The following ZFP14 variants were observed in gnomAD, a reference collection of about 807,000 sequenced individuals.
ZFP14 encodes ZFP14 zinc finger protein.
In ZFP14, 22 loss-of-function variants were observed where a neutral mutation model predicts 54.5. That is an observed-to-expected ratio of 0.40 (90% CI 0.29 to 0.58). The LOEUF is 0.58. ZFP14 is among the 20% of genes least tolerant of loss of function. ZFP14 has a pLI of 0.39. For synonymous variants in ZFP14, 159 were observed against 204.0 expected (o/e 0.78, Z 1.88); for missense variants, 470 against 637.8 (o/e 0.74, Z 2.83).
At chr19:36,358,147 A>G (rs1366459767) in intron 4 of ZFP14, among the ~76,000 whole-genome samples, 2 of 144,940 alleles carry the variant, frequency 1.4e-5, no homozygotes, top group African/African-American at 5.1e-5. Context: ...GTCTTGCTCT[A>G]TCGTCTGAGC....
chr19:36,341,233 T>C lies in ZFP14; in HGVS notation c.593A>G (p.Lys198Arg). ...SQHLRIHTGE[K>R]PYKCKECGQA... ...CCCACATTCCTTACACTTATAAGGT[T>C]TCTCACCAGTATGAATTCTCAGGTG... The change falls in exon 5 of 5, where the codon AAA becomes AGA. Residue 198 changes from lysine (K) to arginine (R), a missense_variant. By Grantham distance (26) the Lys-to-Arg change is conservative. Transcript: ENST00000270001. This position sits in a 1 kb window ranked among gnomAD's most constrained non-coding sequence, Gnocchi z 4.2. 3 of 1,614,194 alleles carry C rather than the reference T, an allele frequency of 1.9e-6. No individual in the cohort carries two copies. Among genetic ancestry groups the C allele is most frequent in the Non-Finnish European group, 2.5e-6 (3 of 1,180,048 alleles).
At chr19:36,378,572 C>A (rs1375740043) in intron 1 of ZFP14, 1 of 152,198 alleles carries the variant, frequency 6.6e-6, no homozygotes, top group Non-Finnish European at 1.5e-5. Flanking sequence ...AACACAAACT[C>A]ATCTGGATGT....
chr19:36,370,459 G>A (rs534801219), intron 1 of ZFP14, among the ~76,000 whole-genome samples: 4 of 152,238 alleles, frequency 2.6e-5, no homozygotes, highest in Non-Finnish European at 5.9e-5. Context: ...CTTGCATGAT[G>A]AACTCCATCT....
At chr19:36,352,808 G>A (rs1471536131) in intron 4 of ZFP14, among the ~76,000 whole-genome samples, 1 of 142,256 alleles carries the variant, frequency 7.0e-6, no homozygotes, top group Admixed American at 7.2e-5. Flanking sequence ...GGGCGTGGTG[G>A]CAGGCGCCTG....
chr19:36,375,567 CTTTT>C (rs139409068), intron 1 of ZFP14, among the ~76,000 whole-genome samples: 2 of 117,678 alleles, frequency 1.7e-5, no homozygotes, highest in Non-Finnish European at 1.7e-5. Context: ...TTTGTATTTT[CTTTT>C]TTTTTTTTTT....
In ZFP14 at chr19:36,341,506, T is replaced by C. The variant is rs199903318; in HGVS notation, c.320A>G (p.Glu107Gly). 4.8e-5 allele frequency: 77 copies of C among 1,612,566 alleles called. No homozygotes were observed. The East Asian group carries it at 1.6e-3, about 35-fold the overall frequency. ...EIYSFQWDIM[E>G]RIKSYSLQGS... is the part of the protein sequence containing the mutation. ...CTGAAGGCTATAGCTTTTAATTCTT[T>C]CCATTATATCCCACTGAAATGAATA... The change falls in exon 5 of 5, where the codon GAA (glutamate) becomes GGA (glycine). Residue 107 changes from glutamate (E) to glycine (G), a missense_variant. By Grantham distance (98) the Glu-to-Gly change is moderately conservative. Coordinates refer to ENST00000270001, the MANE Select transcript of ZFP14 (RefSeq NM_020917.3). The surrounding 1 kb of genome is among the most constrained non-coding windows in gnomAD (Gnocchi z 4.2).
intron 4 of ZFP14, among the ~76,000 whole-genome samples, chr19:36,344,643 C>T (rs1186254857): frequency 6.6e-6 from 1 of 152,128 alleles, no homozygotes; most frequent in Non-Finnish European, 1.5e-5. Flanking sequence ...AGCAGGTGAG[C>T]GAGCATGACC....
chr19:36,365,115 A>G (rs762490182), intron 2 of ZFP14, among the ~76,000 whole-genome samples: 1 of 146,566 alleles, frequency 6.8e-6, no homozygotes, highest in Non-Finnish European at 1.5e-5. Flanking sequence ...TCCTGGCCTC[A>G]AGCAATGGCC....
At chr19:36,349,875 G>C (rs1195583097) in intron 4 of ZFP14, among the ~76,000 whole-genome samples, 3 of 100,094 alleles carry the variant, frequency 3.0e-5, no homozygotes, top group Non-Finnish European at 6.9e-5. Context: ...AGATAGGCTG[G>C]GCGTGGTGGC....
intron 4 of ZFP14, among the ~76,000 whole-genome samples, chr19:36,352,049 T>G (rs558583807): frequency 2.8e-5 from 4 of 140,580 alleles, no homozygotes; most frequent in Non-Finnish European, 4.7e-5. Flanking sequence ...CGGGGCGTGG[T>G]GGTGAGCGCC....
chr19:36,376,630 G>A (rs975723450), intron 1 of ZFP14, among the ~76,000 whole-genome samples: 42 of 152,100 alleles, frequency 2.8e-4, no homozygotes, highest in African/African-American at 9.9e-4. Flanking sequence ...CAAAAGGAGG[G>A]TACAAAGATA....
At chr19:36,357,901 C>T (rs1378336534) in intron 4 of ZFP14, among the ~76,000 whole-genome samples, 1 of 151,444 alleles carries the variant, frequency 6.6e-6, no homozygotes, top group Non-Finnish European at 1.5e-5. Flanking sequence ...CACCACCATG[C>T]CTGGCTAATT....
intron 4 of ZFP14, among the ~76,000 whole-genome samples, chr19:36,342,175 CTTTTTTTT>C (rs35293783): frequency 1.3e-5 from 1 of 74,608 alleles, no homozygotes; most frequent in African/African-American, 5.5e-5. Context: ...CATTCTATGC[CTTTTTTTT>C]TTTTTTTTTT....
At chr19:36,374,277 G>A (rs1349089677) in intron 1 of ZFP14, among the ~76,000 whole-genome samples, 3 of 152,018 alleles carry the variant, frequency 2.0e-5, no homozygotes, top group Non-Finnish European at 2.9e-5. Context: ...GATCACCTGA[G>A]GTCAGGAGTT....
rs1008534779 is a variant in ZFP14, at chr19:36,341,852, A to AT, written c.236-263dup. ...AATAGGCCCGGAGCAGGACCACTTA[A>AT]TTTTTTTTTTTTCTTTGGAGATGGA... is the stretch of plus-strand genomic sequence containing the variant. On this transcript the variant is annotated intron_variant, in intron 4 of 4. Transcript: ENST00000270001. This position sits in a 1 kb window ranked among gnomAD's most constrained non-coding sequence, Gnocchi z 4.2. Among the ~76,000 whole-genome samples the AT allele has an allele frequency of 6.9e-4, 102 of 147,286 alleles. No individual in the cohort carries two copies. The highest frequency in any genetic ancestry group is 3.5e-3 in the Middle Eastern group (1 of 282).
intron 4 of ZFP14, among the ~76,000 whole-genome samples, chr19:36,357,044 TTTTA>T (rs2031625450): frequency 6.6e-6 from 1 of 152,088 alleles, no homozygotes. Context: ...TGTCTTAATT[TTTTA>T]TTTATTTATT....
At chr19:36,344,091 C>A (rs1328113955) in intron 4 of ZFP14, among the ~76,000 whole-genome samples, 1 of 152,170 alleles carries the variant, frequency 6.6e-6, no homozygotes, top group Non-Finnish European at 1.5e-5. Context: ...CAACCTCTGC[C>A]TCCTGGGTTC....
At chr19:36,378,582 T>C (rs1016512155) in intron 1 of ZFP14, 3 of 152,196 alleles carry the variant, frequency 2.0e-5, no homozygotes, top group African/African-American at 7.2e-5. Flanking sequence ...CATCTGGATG[T>C]TGACTTGTCT....
chr19:36,345,345 A>AT (rs111615942), intron 4 of ZFP14, among the ~76,000 whole-genome samples: 23 of 152,152 alleles, frequency 1.5e-4, no homozygotes, highest in Non-Finnish European at 2.8e-4. Flanking sequence ...CAACTAAAGT[A>AT]TTTTTTTTCA....
Sources: gnomAD v4.1 joint callset for allele counts (sites outside exome capture counted in the v4.1 genomes callset) on GRCh38, gnomAD v4.1.1 for gene constraint, Gnocchi (gnomAD v3.1) non-coding constraint, MANE v1.5 for transcripts, NCBI Gene and HGNC (gene_info 2026-07-23, HGNC 2026-07-21) for gene names.